Variants in ZNF438 observed in about 807,000 individuals in gnomAD.
The protein encoded by ZNF438 is zinc finger protein 438.
In ZNF438, 25 loss-of-function variants were observed where a neutral mutation model predicts 38.0. The observed-to-expected ratio is 0.66, with a 90% confidence interval of 0.48 to 0.92. The LOEUF (loss-of-function observed/expected upper bound fraction) is 0.92, where lower values mean the gene tolerates loss of function less well. Among genes scored for constraint, ZNF438 ranks in the 40% least tolerant of loss-of-function variants. The pLI is 0.00. For synonymous variants in ZNF438, 372 were observed against 364.1 expected (o/e 1.02, Z -0.25); for missense variants, 1,007 against 999.6 (o/e 1.01, Z -0.10).
intron 1 of ZNF438, among the ~76,000 whole-genome samples, chr10:30,995,553 C>T (rs2132644846): frequency 6.6e-6 from 1 of 152,210 alleles, no homozygotes; most frequent in East Asian, 1.9e-4. Context: ...TAATTGGAAG[C>T]CCCAAAAAAC....
At chr10:30,930,204 T>A (rs2045486502) in intron 2 of ZNF438, among the ~76,000 whole-genome samples, 1 of 151,442 alleles carries the variant, frequency 6.6e-6, no homozygotes, top group African/African-American at 2.4e-5. Context: ...GGGTTGCAGG[T>A]CCCGAGCCCT....
intron 2 of ZNF438, among the ~76,000 whole-genome samples, chr10:30,933,922 G>C (rs2045954008): frequency 6.6e-6 from 1 of 152,042 alleles, no homozygotes; most frequent in Admixed American, 6.5e-5. Context: ...CGAGGTGGGT[G>C]AATCACGAGG....
chr10:31,022,706 C>T (rs182717319), intron 1 of ZNF438, among the ~76,000 whole-genome samples: 20 of 152,132 alleles, frequency 1.3e-4, no homozygotes, highest in Non-Finnish European at 1.5e-4. Context: ...AATGCCCAAC[C>T]GCACGACACA....
chr10:30,857,692 T>A, intron 4 of ZNF438: 1 of 1,504,974 alleles, frequency 6.6e-7, no homozygotes, highest in Non-Finnish European at 9.0e-7. Context: ...TCCATAGGAC[T>A]CTGAGAAATC....
intron 3 of ZNF438, among the ~76,000 whole-genome samples, chr10:30,896,295 CAAAAAAAAAA>C (rs56673889): frequency 2.8e-5 from 3 of 107,060 alleles, no homozygotes; most frequent in Non-Finnish European, 5.7e-5. Flanking sequence ...GACTCCATCT[CAAAAAAAAAA>C]AAAAAAAAAA....
At position 30,849,250 on chromosome 10, in the gene ZNF438, TCTTC is replaced by T. The variant is rs1426012288; in HGVS notation, c.1151_1154del (p.Gly384GlufsTer31). On this transcript the variant is annotated frameshift_variant, in exon 5 of 6. Transcript: ENST00000413025. LOFTEE classifies it high-confidence loss of function. ...AAATTTCATCTGGTACCTTCCGTTT[TCTTC>T]CTTTTCTCTTTGCTGCTCCACTGTT... The T allele has an allele frequency of 6.2e-7, 1 of 1,614,238 alleles. No homozygotes were observed. Among genetic ancestry groups the T allele is most frequent in the Non-Finnish European group, 8.5e-7 (1 of 1,180,050 alleles).
chr10:30,922,772 T>C (rs1192713037), intron 2 of ZNF438, among the ~76,000 whole-genome samples: 2 of 151,818 alleles, frequency 1.3e-5, no homozygotes, highest in African/African-American at 4.8e-5. Context: ...GAGGTGGAAG[T>C]TGCAGTGTGC....
chr10:30,848,301 C>CTAT (rs1318950662), intron 5 of ZNF438, among the ~76,000 whole-genome samples: 1 of 152,114 alleles, frequency 6.6e-6, no homozygotes, highest in Non-Finnish European at 1.5e-5. Flanking sequence ...ACCACTGGAA[C>CTAT]TATATACAGT....
At position 31,003,789 on chromosome 10, in the gene ZNF438, T is replaced by C. The variant is rs375086335; in HGVS notation, c.-192+28044A>G. Among the ~76,000 whole-genome samples, 54 of 152,326 alleles carry C rather than the reference T, an allele frequency of 3.5e-4. No individual in the cohort carries two copies. The South Asian group carries it at 8.7e-3, about 25-fold the overall frequency. On this transcript the variant is annotated intron_variant, in intron 1 of 5. Transcript: ENST00000413025. ...GAAAGAGCTGATCTACGTGAGATCA[T>C]GTCATTTCTTGGCCCAAAACTCTCT...
intron 2 of ZNF438, among the ~76,000 whole-genome samples, chr10:30,913,717 G>C (rs2043301569): frequency 6.6e-6 from 1 of 152,038 alleles, no homozygotes; most frequent in Non-Finnish European, 1.5e-5. Flanking sequence ...GTAACAATAG[G>C]TTATATGAAG....
At chr10:30,867,958 T>C (rs59934134) in intron 4 of ZNF438, among the ~76,000 whole-genome samples, 30,910 of 152,134 alleles carry the variant, frequency 0.2, 3,413 homozygotes, top group African/African-American at 0.29. Context: ...ATTTATGGAG[T>C]ATAAGTTATA....
chr10:30,999,224 T>C (rs994086366), intron 1 of ZNF438: 1 of 152,226 alleles, frequency 6.6e-6, no homozygotes, highest in African/African-American at 2.4e-5. Context: ...TGTAAAACCA[T>C]ATGCATAAGA....
intron 1 of ZNF438, among the ~76,000 whole-genome samples, chr10:30,984,658 C>A (rs1033174291): frequency 6.6e-6 from 1 of 151,944 alleles, no homozygotes; most frequent in African/African-American, 2.4e-5. Context: ...AGAAAATGTT[C>A]CAGAAAAAAA....
intron 1 of ZNF438, among the ~76,000 whole-genome samples, chr10:30,979,720 T>C (rs987244318): frequency 1.3e-5 from 2 of 152,168 alleles, no homozygotes; most frequent in Admixed American, 6.5e-5. Context: ...ATATTGACGG[T>C]GGGGTGTTAA....
At chr10:30,849,355 T>C (rs2033067462) in exon 5 of ZNF438, 3 of 1,614,262 alleles carry the variant, frequency 1.9e-6, no homozygotes, top group African/African-American at 2.7e-5. Context: ...GCTGTGACAC[T>C]TGTGGAACAG....
chr10:30,979,353 A>C (rs2051826044), intron 1 of ZNF438, among the ~76,000 whole-genome samples: 1 of 152,222 alleles, frequency 6.6e-6, no homozygotes, highest in Admixed American at 6.5e-5. Context: ...TAATTTATAG[A>C]TTCAATGCTA....
At chr10:31,005,852 G>A (rs2055078516) in intron 1 of ZNF438, among the ~76,000 whole-genome samples, 1 of 152,206 alleles carries the variant, frequency 6.6e-6, no homozygotes, top group African/African-American at 2.4e-5. Context: ...GAAAGATCAT[G>A]TTATTGTGAA....
chr10:31,011,049 T>C (rs2055651007), intron 1 of ZNF438, among the ~76,000 whole-genome samples: 1 of 152,102 alleles, frequency 6.6e-6, no homozygotes. Context: ...AGATGCACCA[T>C]GCATGCTTCA....
intron 1 of ZNF438, among the ~76,000 whole-genome samples, chr10:30,950,836 CCA>C (rs1291228239): frequency 9.0e-6 from 1 of 110,682 alleles, no homozygotes; most frequent in Non-Finnish European, 1.9e-5. Flanking sequence ...GGAACTGGTA[CCA>C]TTCCTTCTGA....
Sources: allele counts gnomAD v4.1 joint callset (sites outside exome capture counted in the v4.1 genomes callset), GRCh38; gene constraint gnomAD v4.1.1; transcripts MANE v1.5; gene names NCBI Gene and HGNC (gene_info 2026-07-23, HGNC 2026-07-21).